Variants in SHROOM2 observed in about 807,000 individuals in gnomAD.
SHROOM2 encodes protein Shroom2.
In SHROOM2, 33 loss-of-function variants were observed where a neutral mutation model predicts 75.9. The ratio of observed to expected loss-of-function variants is 0.43; its 90% CI spans 0.33 to 0.58. The LOEUF (loss-of-function observed/expected upper bound fraction) is 0.58, where lower values mean the gene tolerates loss of function less well. SHROOM2 is among the 20% of genes least tolerant of loss of function. SHROOM2 has a pLI of 0.04. For missense variants in SHROOM2, 1,434 were observed against 1,461.2 expected (o/e 0.98, Z 0.30); for synonymous variants, 655 against 663.6 (o/e 0.99, Z 0.20).
At chrX:9,825,132 A>G (rs1268491402) in intron 1 of SHROOM2, among the ~76,000 whole-genome samples, 1 of 112,425 alleles carries the variant, frequency 8.9e-6, no homozygotes, top group Non-Finnish European at 1.9e-5. Flanking sequence ...ATATCAAAAT[A>G]CAAAGGTTAT....
At chrX:9,866,420 G>A (rs991506052) in intron 1 of SHROOM2, among the ~76,000 whole-genome samples, 1 of 96,624 alleles carries the variant, frequency 1.0e-5, no homozygotes, top group African/African-American at 4.3e-5. Context: ...ATATGATATT[G>A]GACTTAAAAA....
intron 1 of SHROOM2, among the ~76,000 whole-genome samples, chrX:9,823,868 C>T (rs1418708773): frequency 9.4e-6 from 1 of 105,929 alleles, no homozygotes; most frequent in Non-Finnish European, 1.9e-5. Flanking sequence ...AAGTGATCCT[C>T]CCACCTCAGC....
chrX:9,866,791 ATTCCAGGGCGGGGTCCTCGTC>A (rs2084141199), intron 1 of SHROOM2, among the ~76,000 whole-genome samples: 2 of 104,793 alleles, frequency 1.9e-5, no homozygotes, highest in South Asian at 8.3e-4. Context: ...CCAGATTCCC[ATTCCAGGGCGGGGTCCTCGTC>A]TTCCCCCACT....
At position 9,947,025 on chromosome X, in the gene SHROOM2, C is replaced by A. The variant is rs901261239; in HGVS notation, c.*88C>A. 3.2e-6 allele frequency: 3 copies of A among 940,221 alleles called. No individual in the cohort carries two copies. The African/African-American group carries it at 6.0e-5, about 19-fold the overall frequency. 77.5% of individuals were successfully genotyped at this position (940,221 alleles called of 1,213,427 possible). The stretch of plus-strand genomic sequence containing the variant: ...TACTCGTGAAGACCCCATCTGTGTT[C>A]ATGGCCTGGAAAGAGACTTCTCCCA... On this transcript the variant is annotated 3_prime_UTR_variant, in exon 10 of 10. Transcript: ENST00000380913.
At chrX:9,838,790 C>T (rs1723330453) in intron 1 of SHROOM2, among the ~76,000 whole-genome samples, 1 of 111,857 alleles carries the variant, frequency 8.9e-6, no homozygotes, top group Non-Finnish European at 1.9e-5. Flanking sequence ...GGGCCACCTT[C>T]AGAGGTTTAA....
At chrX:9,854,297 G>C (rs376108269) in intron 1 of SHROOM2, among the ~76,000 whole-genome samples, 1 of 112,154 alleles carries the variant, frequency 8.9e-6, no homozygotes, top group East Asian at 2.8e-4. Flanking sequence ...TGCCTCTTGG[G>C]CCATTGCTTC....
chrX:9,928,085 G>A (rs750169974), intron 5 of SHROOM2, among the ~76,000 whole-genome samples: 4 of 112,089 alleles, frequency 3.6e-5, no homozygotes, highest in South Asian at 3.7e-4. Context: ...CTGCAGGTTT[G>A]TCCCCTTCAT....
At chrX:9,843,604 T>G (rs952118705) in intron 1 of SHROOM2, among the ~76,000 whole-genome samples, 2 of 111,930 alleles carry the variant, frequency 1.8e-5, no homozygotes, top group African/African-American at 3.2e-5. Flanking sequence ...TTTAACCATG[T>G]TGGCCAGGCT....
intron 1 of SHROOM2, among the ~76,000 whole-genome samples, chrX:9,792,037 AATAG>A (rs2083655953): frequency 2.3e-3 from 1 of 443 alleles, no homozygotes; most frequent in Admixed American, 0.062. Flanking sequence ...AATAGAATAG[AATAG>A]AATAGAATAG....
intron 1 of SHROOM2, among the ~76,000 whole-genome samples, chrX:9,867,145 GT>G (rs1253130316): frequency 9.0e-6 from 1 of 111,657 alleles, no homozygotes; most frequent in South Asian, 3.8e-4. Flanking sequence ...TTGATTAACT[GT>G]TTTTTTCCTG....
intron 1 of SHROOM2, among the ~76,000 whole-genome samples, chrX:9,804,311 C>T (rs968938076): frequency 3.6e-5 from 4 of 111,644 alleles, no homozygotes; most frequent in East Asian, 2.8e-4. Context: ...GCTGATGGGC[C>T]GGGGCCCAGA....
At chrX:9,828,998 A>T (rs1225497303) in intron 1 of SHROOM2, among the ~76,000 whole-genome samples, 1 of 111,393 alleles carries the variant, frequency 9.0e-6, no homozygotes, top group Non-Finnish European at 1.9e-5. Flanking sequence ...TTGGGAAGGT[A>T]ATGCTTCCTG....
rs781506205 is a variant in SHROOM2 at position 9,855,540 on chromosome X, A to C, written c.166-18112A>C. Among the ~76,000 whole-genome samples, 3 of 99,180 alleles carry C rather than the reference A, an allele frequency of 3.0e-5. 1 individual carries two copies. Among genetic ancestry groups the C allele is most frequent in the African/African-American group, 1.4e-4 (3 of 22,102 alleles). 86.1% of individuals were successfully genotyped at this position (99,180 alleles called of 115,157 possible). A position where few individuals can be genotyped will look rare whatever the true frequency, so the allele number is the denominator to read the frequency against. On this transcript the variant is annotated intron_variant, in intron 1 of 9. Transcript: ENST00000380913. Reference sequence around the variant, plus strand: ...TAAAAATCCCAACTATTCCCATATTAATCCAGATAGATAGATAGATAGATA... The same window carrying C: ...TAAAAATCCCAACTATTCCCATATTCATCCAGATAGATAGATAGATAGATA...
intron 2 of SHROOM2, among the ~76,000 whole-genome samples, chrX:9,883,268 G>A (rs1418493356): frequency 1.8e-5 from 2 of 112,106 alleles, no homozygotes; most frequent in East Asian, 2.8e-4. Context: ...CCAGCGGAGC[G>A]ATCCTTTGTA....
At position 9,944,706 on chromosome X, in the gene SHROOM2, G is replaced by A. The variant is rs763438427; in HGVS notation, c.4377G>A (p.Leu1459=). The change falls in exon 9 of 10, where the codon CTG becomes CTA. Residue 1459 remains leucine (L), a synonymous_variant. Transcript: ENST00000380913. ...TCCGGGAGGCCCGCGAGAGCCTGCT[G>A]GAGGACGTGCAGGCCAACACCGTGC... ...QVLREARESL[L]EDVQANTVLG... 4.0e-5 allele frequency: 49 copies of A among 1,210,122 alleles called. No homozygotes were observed. The Admixed American group carries it at 1.1e-3, about 26-fold the overall frequency.
At chrX:9,879,961 G>C (rs2084222427) in intron 2 of SHROOM2, among the ~76,000 whole-genome samples, 1 of 112,318 alleles carries the variant, frequency 8.9e-6, no homozygotes, top group Non-Finnish European at 1.9e-5. Flanking sequence ...GCTGTAATGA[G>C]ATCCACCAAA....
chrX:9,896,618 G>T lies in SHROOM2; in HGVS notation c.2710G>T (p.Val904Leu), dbSNP rs1443422870. Residue 904 changes from valine to leucine, a missense_variant, in exon 4 of 10, where the codon GTG becomes TTG. Physicochemically the swap from Val to Leu is conservative, Grantham distance 32. Transcript: ENST00000380913. ...RCHSADDILD[V>L]SLDPQERPQH... The stretch of plus-strand genomic sequence containing the variant: ...CCACTCAGCGGATGACATCCTGGAT[G>T]TGAGCCTGGACCCACAGGAGAGGCC... 1 of 1,209,274 alleles carries T rather than the reference G, an allele frequency of 8.3e-7. No individual in the cohort carries two copies. Among genetic ancestry groups the T allele is most frequent in the East Asian group, 3.0e-5 (1 of 33,764 alleles).
At position 9,786,635 on chromosome X, in the gene SHROOM2, G is replaced by A; in HGVS notation, c.90G>A (p.Gln30=). ...AADGGRLVEV[Q]LSGGAPWGFT... ...ACGGCGGGCGCCTGGTGGAGGTGCA[G>A]CTGAGCGGCGGCGCCCCGTGGGGCT... is the stretch of plus-strand genomic sequence containing the variant. The change falls in exon 1 of 10, where the codon CAG becomes CAA. Residue 30 remains glutamine, a synonymous_variant. Coordinates refer to ENST00000380913, the MANE Select transcript of SHROOM2 (RefSeq NM_001649.4). 1.2e-5 allele frequency: 11 copies of A among 884,565 alleles called. No homozygotes were observed. Among genetic ancestry groups the A allele is most frequent in the Non-Finnish European group, 1.5e-5 (11 of 721,975 alleles). 72.9% of individuals were successfully genotyped at this position (884,565 alleles called of 1,213,427 possible). A position where few individuals can be genotyped will look rare whatever the true frequency, so the allele number is the denominator to read the frequency against.
chrX:9,887,589 G>A (rs945986664), intron 2 of SHROOM2, among the ~76,000 whole-genome samples: 4 of 112,726 alleles, frequency 3.5e-5, no homozygotes, highest in South Asian at 3.6e-4. Flanking sequence ...AAAATTAGTG[G>A]TGTCAAACAG....
Sources: gnomAD v4.1 joint callset for allele counts (sites outside exome capture counted in the v4.1 genomes callset) on GRCh38, gnomAD v4.1.1 for gene constraint, MANE v1.5 for transcripts, NCBI Gene and HGNC (gene_info 2026-07-23, HGNC 2026-07-21) for gene names.